Variants in SEMA4F observed in about 807,000 individuals in gnomAD.
The protein encoded by SEMA4F is ssemaphorin 4F.
In SEMA4F, 51 loss-of-function variants were observed where a neutral mutation model predicts 78.4. The ratio of observed to expected loss-of-function variants is 0.65; its 90% CI spans 0.52 to 0.82. The LOEUF is 0.82. SEMA4F is among the 40% of genes least tolerant of loss of function. The pLI is 0.00. For missense variants in SEMA4F, 938 were observed against 1,014.4 expected (o/e 0.92, Z 1.02); for synonymous variants, 418 against 408.7 (o/e 1.02, Z -0.27).
Position 74,656,679 on chromosome 2 carries a change from C to T in SEMA4F, c.291C>T (p.Pro97=). 1.9e-6 allele frequency: 3 copies of T among 1,614,114 alleles called. No homozygotes were observed. Among genetic ancestry groups the T allele is most frequent in the African/African-American group, 1.3e-5 (1 of 75,024 alleles). The change falls in exon 2 of 14, where the codon CCC becomes CCT. Residue 97 remains proline (P), a synonymous_variant. Transcript: ENST00000357877. The stretch of plus-strand genomic sequence containing the variant: ...CCCTGCCCTTCTCAGGGGAGAGACC[C>T]CGCAGGGTGAGAGACAAGAGAGGGA... ...ALSLPFSGER[P]RRIDWMVPEA...
rs58167301 is a variant in SEMA4F, at chr2:74,664,852, T to C, written c.550+2027T>C. On this transcript the variant is annotated intron_variant, in intron 5 of 13. Transcript: ENST00000357877. Reference sequence around the variant, plus strand: ...ACATATCTTTTCCTTTGTGATTGTATATAATTTTTAAGCTCAATCCTTCAC... The same window carrying C: ...ACATATCTTTTCCTTTGTGATTGTACATAATTTTTAAGCTCAATCCTTCAC... Among the ~76,000 whole-genome samples, 35 of 152,360 alleles carry C rather than the reference T, an allele frequency of 2.3e-4. No individual in the cohort carries two copies. The East Asian group carries it at 5.2e-3, about 23-fold the overall frequency.
At chr2:74,683,951 A>G (rs1685749675), downstream of SEMA4F, 1 of 152,230 alleles carries the variant, frequency 6.6e-6, no homozygotes, top group Non-Finnish European at 1.5e-5. Context: ...ACCTATAGAT[A>G]GAGCAGAGTA....
chr2:74,705,461 A>T, the SEMA4F span, among the ~76,000 whole-genome samples: 4 of 152,394 alleles, frequency 2.6e-5, no homozygotes, highest in South Asian at 6.2e-4. Flanking sequence ...GCCATAATGG[A>T]TAATATTGAG....
chr2:74,707,199 A>G, the SEMA4F span, among the ~76,000 whole-genome samples: 1 of 152,242 alleles, frequency 6.6e-6, no homozygotes, highest in Non-Finnish European at 1.5e-5. Context: ...ATCAATGCTA[A>G]ATTTTCCAAA....
At chr2:74,669,724 C>A (rs1684882861) in intron 5 of SEMA4F, among the ~76,000 whole-genome samples, 1 of 152,176 alleles carries the variant, frequency 6.6e-6, no homozygotes, top group African/African-American at 2.4e-5. Context: ...AACCCCCAGG[C>A]TGTAGAGAAA....
At chr2:74,697,325 C>A in the SEMA4F span, among the ~76,000 whole-genome samples, 1 of 152,202 alleles carries the variant, frequency 6.6e-6, no homozygotes, top group Non-Finnish European at 1.5e-5. Context: ...TCCAGAGTAT[C>A]AGTGTCTGTC....
At chr2:74,702,104 T>C in the SEMA4F span, among the ~76,000 whole-genome samples, 5 of 152,158 alleles carry the variant, frequency 3.3e-5, no homozygotes, top group African/African-American at 4.8e-5. Context: ...ATCATCAGGA[T>C]TAGGGACCTG....
intron 5 of SEMA4F, among the ~76,000 whole-genome samples, chr2:74,670,347 G>T (rs376820021): frequency 6.6e-6 from 1 of 152,124 alleles, no homozygotes; most frequent in African/African-American, 2.4e-5. Flanking sequence ...AAGCCCCTTC[G>T]TACTCTTAGG....
chr2:74,675,420 G>A, intron 10 of SEMA4F, 36 bp downstream of exon 10: 2 of 1,601,714 alleles, frequency 1.2e-6, no homozygotes, highest in South Asian at 2.2e-5. Flanking sequence ...CCTACCTAGT[G>A]CATACACATT....
At chr2:74,698,625 A>G in the SEMA4F span, among the ~76,000 whole-genome samples, 1 of 152,352 alleles carries the variant, frequency 6.6e-6, no homozygotes, top group Admixed American at 6.5e-5. Context: ...GAACCTTAGC[A>G]CAAAGGCCCT....
chr2:74,693,615 A>C, the SEMA4F span, among the ~76,000 whole-genome samples: 3 of 152,236 alleles, frequency 2.0e-5, no homozygotes, highest in Non-Finnish European at 4.4e-5. Context: ...CCTAGTGCTG[A>C]AGCCACGTTG....
chr2:74,674,026 C>CA (rs1685132647), intron 7 of SEMA4F, among the ~76,000 whole-genome samples, 198 bp downstream of exon 7: 1 of 152,206 alleles, frequency 6.6e-6, no homozygotes, highest in Non-Finnish European at 1.5e-5. Context: ...CCTTGTGACA[C>CA]ACTGTCTACA....
chr2:74,707,078 A>G, the SEMA4F span, among the ~76,000 whole-genome samples: 2 of 132,608 alleles, frequency 1.5e-5, no homozygotes, highest in African/African-American at 6.8e-5. Context: ...AAAAATATGT[A>G]TCTGACAAAT....
chr2:74,661,100 G>A (rs935559462), intron 4 of SEMA4F, among the ~76,000 whole-genome samples: 1 of 152,212 alleles, frequency 6.6e-6, no homozygotes, highest in Non-Finnish European at 1.5e-5. Flanking sequence ...AAGGGAGTGA[G>A]TCAAAAGTAT....
chr2:74,674,693 T>A lies in SEMA4F; in HGVS notation c.1001+17T>A. ...TTCCCAGTGGTGAGGGGTCTTGGTG[T>A]GGAGGAGAGTTACAGGGTGGGAGAT... On this transcript the variant is annotated intron_variant, in intron 8 of 13. Coordinates refer to ENST00000357877, the MANE Select transcript of SEMA4F (RefSeq NM_004263.5). 1 of 1,612,108 alleles carries A rather than the reference T, an allele frequency of 6.2e-7. No individual in the cohort carries two copies. Among genetic ancestry groups the A allele is most frequent in the South Asian group, 1.1e-5 (1 of 90,712 alleles).
rs1249720811 is a variant in SEMA4F at position 74,681,672 on chromosome 2, A to C, written c.*1463A>C. Reference sequence around the variant, plus strand: ...GTATTTGATGACATTGTCAGCTCTTACCAAACGTCAAGACCTCTTCCTGCT... The same window carrying C: ...GTATTTGATGACATTGTCAGCTCTTCCCAAACGTCAAGACCTCTTCCTGCT... On this transcript the variant is annotated 3_prime_UTR_variant, in exon 14 of 14. Coordinates refer to ENST00000357877, the MANE Select transcript of SEMA4F (RefSeq NM_004263.5). The C allele has an allele frequency of 6.5e-6, 1 of 152,952 alleles. No individual in the cohort carries two copies. Among genetic ancestry groups the C allele is most frequent in the East Asian group, 1.9e-4 (1 of 5,174 alleles). 9.5% of individuals were successfully genotyped at this position (152,952 alleles called of 1,614,324 possible). A position where few individuals can be genotyped will look rare whatever the true frequency, so the allele number is the denominator to read the frequency against.
At chr2:74,686,505 T>G (rs1685825234), downstream of SEMA4F, among the ~76,000 whole-genome samples, 1 of 152,220 alleles carries the variant, frequency 6.6e-6, no homozygotes, top group Non-Finnish European at 1.5e-5. Flanking sequence ...AAGTACCATT[T>G]GACCCAGCCA....
chr2:74,705,609 G>C, the SEMA4F span, among the ~76,000 whole-genome samples: 8 of 152,218 alleles, frequency 5.3e-5, no homozygotes, highest in Non-Finnish European at 1.2e-4. Context: ...TATCACTCAG[G>C]CTAGAGTGCA....
At chr2:74,671,838 G>T (rs1222493288) in intron 5 of SEMA4F, among the ~76,000 whole-genome samples, 1 of 152,148 alleles carries the variant, frequency 6.6e-6, no homozygotes, top group Non-Finnish European at 1.5e-5. Flanking sequence ...TTAGAAGCTA[G>T]AAACCTTGAG....
Sources: gnomAD v4.1 joint callset for allele counts (sites outside exome capture counted in the v4.1 genomes callset) on GRCh38, gnomAD v4.1.1 for gene constraint, MANE v1.5 for transcripts, NCBI Gene and HGNC (gene_info 2026-07-23, HGNC 2026-07-21) for gene names.